TTPAL: variants seen among roughly 807,000 people sequenced by gnomAD.
The protein encoded by TTPAL is alpha-tocopherol transfer protein-like.
In TTPAL, 21 loss-of-function variants were observed where a neutral mutation model predicts 28.7. That is an observed-to-expected ratio of 0.73 (90% CI 0.52 to 1.06). The LOEUF (loss-of-function observed/expected upper bound fraction) is 1.06. Among genes scored for constraint, TTPAL ranks in the 50% least tolerant of loss-of-function variants. The pLI is 0.00. For synonymous variants in TTPAL, 169 were observed against 171.9 expected (o/e 0.98, Z 0.13); for missense variants, 345 against 425.5 (o/e 0.81, Z 1.67).
intron 1 of TTPAL, among the ~76,000 whole-genome samples, chr20:44,476,422 A>G (rs1443417167): frequency 6.6e-6 from 1 of 152,192 alleles, no homozygotes; most frequent in African/African-American, 2.4e-5. Flanking sequence ...TGGAGGGTAC[A>G]GATTAGAAGC....
At chr20:44,486,931 A>G (rs1171375829) in intron 4 of TTPAL, among the ~76,000 whole-genome samples, 2 of 152,222 alleles carry the variant, frequency 1.3e-5, no homozygotes, top group Admixed American at 6.5e-5. Flanking sequence ...GATTTTTATC[A>G]TAAGAGCCTC....
chr20:44,487,308 G>A (rs890223308), intron 4 of TTPAL, among the ~76,000 whole-genome samples: 3 of 151,874 alleles, frequency 2.0e-5, no homozygotes, highest in African/African-American at 7.3e-5. Context: ...TGGGTGTGGT[G>A]GCACATGTCT....
Position 44,489,291 on chromosome 20 carries a change from C to T in TTPAL, c.779C>T (p.Ser260Phe). The T allele has an allele frequency of 6.2e-7, 1 of 1,614,170 alleles. No individual in the cohort carries two copies. Residue 260 changes from serine (S) to phenylalanine (F), a missense_variant, in exon 5 of 5, where the codon TCT (serine) becomes TTT (phenylalanine). Ser to Phe is a radical substitution (Grantham distance 155). Transcript: ENST00000262605. Reference sequence around the variant, plus strand: ...TTCCTCCATGGGTCTGACTTGAACTCTCTCCACACAAACCTTCCAAGAAGC... The same window carrying T: ...TTCCTCCATGGGTCTGACTTGAACTTTCTCCACACAAACCTTCCAAGAAGC... ...RFFLHGSDLN[S>F]LHTNLPRSIL...
chr20:44,483,702 A>C (rs113696357), intron 2 of TTPAL, among the ~76,000 whole-genome samples: 1 of 152,230 alleles, frequency 6.6e-6, no homozygotes, highest in African/African-American at 2.4e-5. Flanking sequence ...TCTACTTATG[A>C]GGACATCGGG....
At chr20:44,483,778 T>C (rs1019685931) in intron 2 of TTPAL, among the ~76,000 whole-genome samples, 11 of 152,026 alleles carry the variant, frequency 7.2e-5, no homozygotes, top group African/African-American at 2.7e-4. Flanking sequence ...AAACCTCAGG[T>C]GTGTCTGACT....
At chr20:44,477,753 C>G (rs558897031) in intron 1 of TTPAL, among the ~76,000 whole-genome samples, 2 of 152,184 alleles carry the variant, frequency 1.3e-5, no homozygotes, top group South Asian at 4.1e-4. Context: ...TTCCTGGTTT[C>G]AAGCGATTAT....
chr20:44,479,925 A>G, intron 1 of TTPAL, 60 bp from the exon 2 acceptor site: 6 of 1,420,830 alleles, frequency 4.2e-6, no homozygotes, highest in South Asian at 1.3e-5. Context: ...CCTACACTGT[A>G]CTGCCCTAGG....
chr20:44,492,431 G>A lies in TTPAL; in HGVS notation c.*2890G>A, dbSNP rs1477951910. 1 of 152,244 alleles carries A rather than the reference G, an allele frequency of 6.6e-6. No homozygotes were observed. Among genetic ancestry groups the A allele is most frequent in the Non-Finnish European group, 1.5e-5 (1 of 68,060 alleles). The allele number at this position is 152,244 out of a possible 1,614,324, so 9.4% of individuals were successfully genotyped here. ...ATGGGACAGTAAATTAGGAGACGCG[G>A]GCTCCACCTTTACCTTACTACGTGG... On this transcript the variant is annotated 3_prime_UTR_variant, in exon 5 of 5. Coordinates refer to ENST00000262605, the MANE Select transcript of TTPAL (RefSeq NM_001039199.3).
At chr20:44,481,347 C>G (rs981261082) in intron 2 of TTPAL, among the ~76,000 whole-genome samples, 2 of 152,026 alleles carry the variant, frequency 1.3e-5, no homozygotes, top group African/African-American at 4.8e-5. Flanking sequence ...GAGTTTGAGA[C>G]CAGCCTGGGC....
rs1369060824 is a variant in TTPAL, at chr20:44,475,945, G to C, written c.-62G>C. The stretch of plus-strand genomic sequence containing the variant: ...GTCGGTTCTGCGTGCGCTGCCGGAC[G>C]AGGCTCCCGCCGCCGATTGACCCGC... On this transcript the variant is annotated 5_prime_UTR_variant, in exon 1 of 5. Transcript: ENST00000262605. 6.6e-6 allele frequency: 1 copy of C among 152,294 alleles called. No individual in the cohort carries two copies. The highest frequency in any genetic ancestry group is 1.5e-5 in the Non-Finnish European group (1 of 68,068). The allele number at this position is 152,294 out of a possible 1,614,324, so 9.4% of individuals were successfully genotyped here. A position where few individuals can be genotyped will look rare whatever the true frequency, so the allele number is the denominator to read the frequency against.
rs529354787 is a variant in TTPAL at position 44,489,398 on chromosome 20, G to A, written c.886G>A (p.Asp296Asn). 23 of 1,614,174 alleles carry A rather than the reference G, an allele frequency of 1.4e-5. No homozygotes were observed. Among genetic ancestry groups the A allele is most frequent in the Middle Eastern group, 3.3e-4 (2 of 6,062 alleles). ...CGCGGTACTGCTGGCTTCAGAAGAC[G>A]ATTTTGTGAAAGAGTTCTGCCAACC... ...WNAVLLASED[D>N]FVKEFCQPVP... The change falls in exon 5 of 5, where the codon GAT (aspartate) becomes AAT (asparagine). Residue 296 changes from aspartate to asparagine, a missense_variant. Asp to Asn is a conservative substitution (Grantham distance 23, BLOSUM62 1). Coordinates refer to ENST00000262605, the MANE Select transcript of TTPAL (RefSeq NM_001039199.3).
At position 44,492,673 on chromosome 20, in the gene TTPAL, G is replaced by C. The variant is rs1051352780; in HGVS notation, c.*3132G>C. ...AAAGCTTCCAAATCTATACATTTCAGAATATGGGAATTTTCTTCCTCTTCT... is the reference window on the plus strand; with the variant it reads ...AAAGCTTCCAAATCTATACATTTCACAATATGGGAATTTTCTTCCTCTTCT... On this transcript the variant is annotated 3_prime_UTR_variant, in exon 5 of 5. Coordinates refer to ENST00000262605, the MANE Select transcript of TTPAL (RefSeq NM_001039199.3). 7.9e-5 allele frequency: 12 copies of C among 152,088 alleles called. No individual in the cohort carries two copies. The highest frequency in any genetic ancestry group is 2.9e-4 in the African/African-American group (12 of 41,420). 9.4% of individuals were successfully genotyped at this position (152,088 alleles called of 1,614,324 possible). A position where few individuals can be genotyped will look rare whatever the true frequency, so the allele number is the denominator to read the frequency against.
rs139556771 is a variant in TTPAL, at chr20:44,482,058, T to C, written c.445+1614T>C. Among the ~76,000 whole-genome samples the C allele has an allele frequency of 7.9e-4, 120 of 152,348 alleles. 1 individual carries two copies. In the East Asian group the frequency reaches 0.019, roughly 24 times the overall value. The stretch of plus-strand genomic sequence containing the variant: ...GGAGCAGATCTGGACCCCTTTCCAC[T>C]GACCCAGCGTTTTAGGAAGAGGCAT... On this transcript the variant is annotated intron_variant, in intron 2 of 4. Coordinates refer to ENST00000262605, the MANE Select transcript of TTPAL (RefSeq NM_001039199.3).
At position 44,489,615 on chromosome 20, in the gene TTPAL, T is replaced by A. The variant is rs1260908512; in HGVS notation, c.*74T>A. 1 of 1,459,084 alleles carries A rather than the reference T, an allele frequency of 6.9e-7. No homozygotes were observed. The highest frequency in any genetic ancestry group is 9.2e-7 in the Non-Finnish European group (1 of 1,088,250). 90.4% of individuals were successfully genotyped at this position (1,459,084 alleles called of 1,614,324 possible). On this transcript the variant is annotated 3_prime_UTR_variant, in exon 5 of 5. Transcript: ENST00000262605. ...GAGAGGCACAAGGAGAATTTAAGGG[T>A]CCATGGATTCAGTCTTGCTCCTTGT...
rs1368269008 is a variant in TTPAL at position 44,480,251 on chromosome 20, C to T, written c.252C>T (p.Phe84=). 6.2e-7 allele frequency: 1 copy of T among 1,614,194 alleles called. No homozygotes were observed. The highest frequency in any genetic ancestry group is 2.2e-5 in the East Asian group (1 of 44,882). ...TCGACGATGCCTTCCTGCTGCGCTTCCTCCGAGCCCGCAAGTTTGATTACG... is the reference window on the plus strand; with the variant it reads ...TCGACGATGCCTTCCTGCTGCGCTTTCTCCGAGCCCGCAAGTTTGATTACG... ...TSLDDAFLLR[F]LRARKFDYDR... The change falls in exon 2 of 5, where the codon TTC becomes TTT. Residue 84 remains phenylalanine, a synonymous_variant. Transcript: ENST00000262605. The surrounding 1 kb of genome is among the most constrained non-coding windows in gnomAD (Gnocchi z 4.1).
Position 44,491,672 on chromosome 20 carries a change from CTGA to C in TTPAL, c.*2140_*2142del, listed in dbSNP as rs138634878. Reference sequence around the variant, plus strand: ...CACTCCTGGCTGCTTCTGGTTCCATCTGATGATGATGTGACACACACTGCTGAA... The same window carrying C: ...CACTCCTGGCTGCTTCTGGTTCCATCTGATGATGTGACACACACTGCTGAA... On this transcript the variant is annotated 3_prime_UTR_variant, in exon 5 of 5. Transcript: ENST00000262605. The C allele has an allele frequency of 0.048, 7,241 of 152,322 alleles. 197 individuals carry two copies. Among genetic ancestry groups the C allele is most frequent in the African/African-American group, 0.083 (3,433 of 41,462 alleles). 9.4% of individuals were successfully genotyped at this position (152,322 alleles called of 1,614,324 possible). A position where few individuals can be genotyped will look rare whatever the true frequency, so the allele number is the denominator to read the frequency against.
rs1308165530 is a variant in TTPAL, at chr20:44,493,597, T to C, written c.*4056T>C. ...AGTAAAATGTTAGCTAAACCAATTA[T>C]ATACTATATACTATACACTGTATCT... On this transcript the variant is annotated 3_prime_UTR_variant, in exon 5 of 5. Coordinates refer to ENST00000262605, the MANE Select transcript of TTPAL (RefSeq NM_001039199.3). 6.6e-6 allele frequency: 1 copy of C among 152,378 alleles called. No individual in the cohort carries two copies. Among genetic ancestry groups the C allele is most frequent in the African/African-American group, 2.4e-5 (1 of 41,468 alleles). The allele number at this position is 152,378 out of a possible 1,614,324, so 9.4% of individuals were successfully genotyped here. A position where few individuals can be genotyped will look rare whatever the true frequency, so the allele number is the denominator to read the frequency against.
intron 3 of TTPAL, among the ~76,000 whole-genome samples, chr20:44,485,232 T>A (rs1314257366): frequency 1.3e-5 from 2 of 152,152 alleles, no homozygotes; most frequent in African/African-American, 4.8e-5. Flanking sequence ...TTTGGTCAGA[T>A]GCTTCACACC....
chr20:44,489,782 A>C lies in TTPAL; in HGVS notation c.*241A>C, dbSNP rs2122949489. On this transcript the variant is annotated 3_prime_UTR_variant, in exon 5 of 5. Transcript: ENST00000262605. The stretch of plus-strand genomic sequence containing the variant: ...TTAAACATTTGGAATCCCAGTCTGC[A>C]ACTATTAATCTGGAGGCTATATCTA... 1 of 513,218 alleles carries C rather than the reference A, an allele frequency of 1.9e-6. No homozygotes were observed. Among genetic ancestry groups the C allele is most frequent in the African/African-American group, 1.9e-5 (1 of 52,658 alleles). 31.8% of individuals were successfully genotyped at this position (513,218 alleles called of 1,614,324 possible).
Sources: allele counts gnomAD v4.1 joint callset (sites outside exome capture counted in the v4.1 genomes callset), GRCh38; gene constraint gnomAD v4.1.1; non-coding constraint Gnocchi (gnomAD v3.1); transcripts MANE v1.5; gene names NCBI Gene and HGNC (gene_info 2026-07-23, HGNC 2026-07-21).